Variants in GPD1L observed in about 807,000 individuals in gnomAD.
GPD1L encodes the protein glycerol-3-phosphate dehydrogenase 1-like protein.
Under a neutral mutation model 32.9 loss-of-function variants are expected in GPD1L, and 17 were observed. That is an observed-to-expected ratio of 0.52 (90% confidence interval 0.35 to 0.78). The LOEUF is 0.78. GPD1L is among the 30% of genes least tolerant of loss of function. The probability of loss-of-function intolerance (pLI) is 0.01; values close to 1 mark genes in which losing one functional copy is unlikely to be tolerated. For missense variants in GPD1L, 361 were observed against 447.8 expected (o/e 0.81, Z 1.75); for synonymous variants, 187 against 165.9 (o/e 1.13, Z -0.98).
chr3:32,124,570 AC>A (rs1392159412), intron 1 of GPD1L, among the ~76,000 whole-genome samples: 3 of 152,196 alleles, frequency 2.0e-5, no homozygotes, highest in Non-Finnish European at 4.4e-5. Context: ...TGCGGGTTAT[AC>A]TTTTTGATTT....
Position 32,146,748 on chromosome 3 carries a change from CAG to C in GPD1L, c.618+15_618+16del, listed in dbSNP as rs551255832. ...GGTGCGCTTAAGGTAAAGTCAGCCTCAGGGGAGGAGTTCATCAAGCAAGGCAA... is the reference window on the plus strand; with the variant it reads ...GGTGCGCTTAAGGTAAAGTCAGCCTCGGGAGGAGTTCATCAAGCAAGGCAA... On this transcript the variant is annotated intron_variant, in intron 5 of 7. Coordinates refer to ENST00000282541, the MANE Select transcript of GPD1L (RefSeq NM_015141.4). 3.3e-5 allele frequency: 48 copies of C among 1,451,048 alleles called. No homozygotes were observed. In the East Asian group the frequency reaches 7.0e-4, roughly 21 times the overall value. 89.9% of individuals were successfully genotyped at this position (1,451,048 alleles called of 1,614,324 possible). A position where few individuals can be genotyped will look rare whatever the true frequency, so the allele number is the denominator to read the frequency against.
At chr3:32,164,152 A>G (rs1701112614) in intron 7 of GPD1L, among the ~76,000 whole-genome samples, 1 of 152,216 alleles carries the variant, frequency 6.6e-6, no homozygotes, top group African/African-American at 2.4e-5. Context: ...GAAGGTGAGT[A>G]GTCTCTTCCA....
At chr3:32,131,552 A>C (rs150873412) in intron 2 of GPD1L, among the ~76,000 whole-genome samples, 3 of 152,162 alleles carry the variant, frequency 2.0e-5, no homozygotes, top group African/African-American at 7.2e-5. Flanking sequence ...AATGCTGTGA[A>C]GCTCCATCCA....
In GPD1L at chr3:32,106,664, G is replaced by A. The variant is rs887964143; in HGVS notation, c.-48G>A. On this transcript the variant is annotated 5_prime_UTR_variant, in exon 1 of 8. Coordinates refer to ENST00000282541, the MANE Select transcript of GPD1L (RefSeq NM_015141.4). The surrounding 1 kb of genome is among the most constrained non-coding windows in gnomAD (Gnocchi z 4.0). ...GGCAAGGCTGAACAGGCGGAGGTGG[G>A]CAGCCGGCCAGGGAAGCACGGTCCA... 1.1e-5 allele frequency: 17 copies of A among 1,478,416 alleles called. No individual in the cohort carries two copies. Among genetic ancestry groups the A allele is most frequent in the Non-Finnish European group, 1.5e-5 (17 of 1,109,590 alleles). 91.6% of individuals were successfully genotyped at this position (1,478,416 alleles called of 1,614,324 possible).
At chr3:32,143,372 C>A (rs989044192) in intron 4 of GPD1L, among the ~76,000 whole-genome samples, 2 of 152,004 alleles carry the variant, frequency 1.3e-5, no homozygotes, top group Non-Finnish European at 2.9e-5. Flanking sequence ...ATTACAGGTG[C>A]GAGCCACTGT....
At chr3:32,107,536 G>T (rs1700182152) in intron 1 of GPD1L, among the ~76,000 whole-genome samples, 1 of 152,210 alleles carries the variant, frequency 6.6e-6, no homozygotes, top group African/African-American at 2.4e-5. Context: ...GAAGCAAAGT[G>T]TAGCATCTGG....
chr3:32,125,332 G>A (rs1274205108), intron 1 of GPD1L, among the ~76,000 whole-genome samples: 7 of 152,202 alleles, frequency 4.6e-5, no homozygotes, highest in Non-Finnish European at 4.4e-5. Flanking sequence ...AAAATAACAA[G>A]CATTTATGAT....
At chr3:32,108,396 A>G (rs1700194913) in intron 1 of GPD1L, among the ~76,000 whole-genome samples, 1 of 152,156 alleles carries the variant, frequency 6.6e-6, no homozygotes. Flanking sequence ...AGTCCCGGCT[A>G]CTTGGGATGC....
Position 32,168,409 on chromosome 3 carries a change from G to C in GPD1L, c.*2499G>C, listed in dbSNP as rs1188402222. The C allele has an allele frequency of 6.6e-6, 1 of 152,620 alleles. No homozygotes were observed. The highest frequency in any genetic ancestry group is 2.4e-5 in the African/African-American group (1 of 41,440). 9.5% of individuals were successfully genotyped at this position (152,620 alleles called of 1,614,324 possible). On this transcript the variant is annotated 3_prime_UTR_variant, in exon 8 of 8. Coordinates refer to ENST00000282541, the MANE Select transcript of GPD1L (RefSeq NM_015141.4). ...AATCTGTGAATGTAAAAACTACACT[G>C]TTGCCTTGCTAGGATCCACCCTCCT...
intron 1 of GPD1L, among the ~76,000 whole-genome samples, chr3:32,110,147 T>C (rs1467662289): frequency 6.6e-6 from 1 of 152,246 alleles, no homozygotes. Flanking sequence ...CTCAATCTCC[T>C]GACGTCGTGA....
chr3:32,127,002 T>C (rs1700517156), intron 1 of GPD1L, among the ~76,000 whole-genome samples: 3 of 152,320 alleles, frequency 2.0e-5, no homozygotes, highest in Admixed American at 1.3e-4. Flanking sequence ...TGAAATTTTA[T>C]GGTTGTTAAA....
Position 32,166,670 on chromosome 3 carries a change from A to G in GPD1L, c.*760A>G, listed in dbSNP as rs1575125359. The stretch of plus-strand genomic sequence containing the variant: ...AGGCTAGTTAGTGCATTTTTTAGCA[A>G]ACATTTATCTTAAACATCACAGATC... On this transcript the variant is annotated 3_prime_UTR_variant, in exon 8 of 8. Transcript: ENST00000282541. 2.6e-5 allele frequency: 4 copies of G among 152,782 alleles called. No homozygotes were observed. The South Asian group carries it at 8.2e-4, about 32-fold the overall frequency. 9.5% of individuals were successfully genotyped at this position (152,782 alleles called of 1,614,324 possible). A position where few individuals can be genotyped will look rare whatever the true frequency, so the allele number is the denominator to read the frequency against.
intron 1 of GPD1L, among the ~76,000 whole-genome samples, chr3:32,125,020 G>T (rs112114405): frequency 7.5e-6 from 1 of 133,150 alleles, no homozygotes; most frequent in East Asian, 2.5e-4. Context: ...CTGCCTCCCC[G>T]CCACCCTTGC....
chr3:32,111,089 C>G (rs1050395024), intron 1 of GPD1L, among the ~76,000 whole-genome samples: 1 of 152,206 alleles, frequency 6.6e-6, no homozygotes, highest in East Asian at 1.9e-4. Flanking sequence ...TGGTCTTGAA[C>G]TCCTGGCCTC....
chr3:32,119,544 T>C (rs1212044887), intron 1 of GPD1L, among the ~76,000 whole-genome samples: 1 of 152,208 alleles, frequency 6.6e-6, no homozygotes, highest in Non-Finnish European at 1.5e-5. Flanking sequence ...AGCTTCCCTA[T>C]GTAGAGATCA....
Position 32,124,479 on chromosome 3 carries a change from G to C in GPD1L, c.48-3597G>C, listed in dbSNP as rs561385966. On this transcript the variant is annotated intron_variant, in intron 1 of 7. Transcript: ENST00000282541. The stretch of plus-strand genomic sequence containing the variant: ...TTTCATCCACAAGAAAAATGAAACT[G>C]CTCTTTCACATTGGTCAGAAGAGGT... 2.0e-5 allele frequency among the ~76,000 whole-genome samples: 3 copies of C among 152,316 alleles called. No homozygotes were observed. In the East Asian group the frequency reaches 5.8e-4, roughly 29 times the overall value.
rs1701059181 is a variant in GPD1L, at chr3:32,160,330, G to C, written c.959+656G>C. Among the ~76,000 whole-genome samples the C allele has an allele frequency of 3.3e-5, 2 of 61,236 alleles. 1 individual carries two copies. The highest frequency in any genetic ancestry group is 2.0e-4 in the African/African-American group (2 of 10,050). The allele number at this position is 61,236 out of a possible 152,430, so 40.2% of individuals were successfully genotyped here. A position where few individuals can be genotyped will look rare whatever the true frequency, so the allele number is the denominator to read the frequency against. On this transcript the variant is annotated intron_variant, in intron 7 of 7. Coordinates refer to ENST00000282541, the MANE Select transcript of GPD1L (RefSeq NM_015141.4). ...GGGATGGGTGAATGGATGGATGATG[G>C]GTGGGTGGGATGGGATGGGATGAGA...
chr3:32,134,107 G>A (rs941068201), intron 2 of GPD1L, among the ~76,000 whole-genome samples: 4 of 152,178 alleles, frequency 2.6e-5, no homozygotes, highest in African/African-American at 7.2e-5. Flanking sequence ...TTGGCAGGAG[G>A]CTCACAAAAT....
chr3:32,119,358 A>G (rs1187830907), intron 1 of GPD1L, among the ~76,000 whole-genome samples: 1 of 152,224 alleles, frequency 6.6e-6, no homozygotes, highest in Non-Finnish European at 1.5e-5. Context: ...TTGCAATCAT[A>G]TGGTATGTAC....
Sources: allele counts gnomAD v4.1 joint callset (sites outside exome capture counted in the v4.1 genomes callset), GRCh38; gene constraint gnomAD v4.1.1; non-coding constraint Gnocchi (gnomAD v3.1); transcripts MANE v1.5; gene names NCBI Gene and HGNC (gene_info 2026-07-23, HGNC 2026-07-21).